AFAP1: variants seen among roughly 807,000 people sequenced by gnomAD.
AFAP1 encodes the protein actin filament-associated protein 1.
Under a neutral mutation model 93.9 loss-of-function variants are expected in AFAP1, and 75 were observed. That is an observed-to-expected ratio of 0.80 (90% CI 0.66 to 0.97). AFAP1 has a LOEUF of 0.97. Among genes scored for constraint, AFAP1 ranks in the 50% least tolerant of loss-of-function variants. The pLI, the probability that AFAP1 is intolerant of heterozygous loss-of-function variation, is 0.00. For missense variants in AFAP1, 1,201 were observed against 1,050.8 expected (o/e 1.14, Z -1.98); for synonymous variants, 517 against 430.7 (o/e 1.20, Z -2.48).
At chr4:7,910,838 G>A (rs1018828056) in intron 1 of AFAP1, among the ~76,000 whole-genome samples, 2 of 152,200 alleles carry the variant, frequency 1.3e-5, no homozygotes, top group African/African-American at 4.8e-5. Flanking sequence ...CGGAGGCCTA[G>A]GGAGGTTGAG....
intron 1 of AFAP1, among the ~76,000 whole-genome samples, chr4:7,881,240 C>T (rs967005779): frequency 1.3e-5 from 2 of 152,106 alleles, no homozygotes; most frequent in Non-Finnish European, 2.9e-5. Flanking sequence ...CACCACTCAT[C>T]CCCCAGCATT....
intron 17 of AFAP1, among the ~76,000 whole-genome samples, chr4:7,766,687 T>A (rs1227742366): frequency 6.6e-6 from 1 of 152,080 alleles, no homozygotes; most frequent in South Asian, 2.1e-4. Context: ...GCACGAAACC[T>A]GGAGCAGCCC....
intron 10 of AFAP1, among the ~76,000 whole-genome samples, chr4:7,796,282 C>A (rs1441337611): frequency 6.6e-6 from 1 of 152,166 alleles, no homozygotes; most frequent in African/African-American, 2.4e-5. Context: ...TGGGGCATCT[C>A]CTTGTGCCAC....
intron 17 of AFAP1, among the ~76,000 whole-genome samples, chr4:7,764,259 G>T (rs537442340): frequency 7.4e-4 from 112 of 152,374 alleles, no homozygotes; most frequent in African/African-American, 2.6e-3. Flanking sequence ...ACAGAAAGTG[G>T]GCTGGGTGCA....
chr4:7,767,486 A>T (rs1362621607), intron 17 of AFAP1, among the ~76,000 whole-genome samples: 1 of 152,214 alleles, frequency 6.6e-6, no homozygotes. Context: ...TCCCCCAGGC[A>T]AAACATATTC....
intron 6 of AFAP1, among the ~76,000 whole-genome samples, chr4:7,835,899 T>C (rs919140841): frequency 1.3e-5 from 2 of 152,202 alleles, no homozygotes; most frequent in South Asian, 4.2e-4. Context: ...GTTACCTGGG[T>C]GGCTGAAAAC....
At position 7,905,663 on chromosome 4, in the gene AFAP1, C is replaced by G. The variant is rs115231743; in HGVS notation, c.-2-33583G>C. The stretch of plus-strand genomic sequence containing the variant: ...CTTTCTCTCATTTAGGCCATGAGCA[C>G]TGACTGCATGTCTGCTGCAGCCAGG... On this transcript the variant is annotated intron_variant, in intron 1 of 17. Transcript: ENST00000420658. 6.8e-3 allele frequency among the ~76,000 whole-genome samples: 1,041 copies of G among 152,322 alleles called. 8 individuals carry two copies. The highest frequency in any genetic ancestry group is 0.022 in the African/African-American group (930 of 41,566).
intron 8 of AFAP1, among the ~76,000 whole-genome samples, chr4:7,814,809 C>T (rs186064770): frequency 2.0e-5 from 3 of 151,818 alleles, no homozygotes; most frequent in East Asian, 3.9e-4. Context: ...AGCCGTGCTC[C>T]GTGTCTTGAT....
intron 11 of AFAP1, among the ~76,000 whole-genome samples, chr4:7,786,817 A>C (rs1174036986): frequency 6.6e-6 from 1 of 152,246 alleles, no homozygotes; most frequent in Non-Finnish European, 1.5e-5. Flanking sequence ...ATGGCCTGCA[A>C]AGCTGAAAGT....
intron 1 of AFAP1, among the ~76,000 whole-genome samples, chr4:7,887,568 T>C (rs1337144370): frequency 6.6e-6 from 1 of 152,156 alleles, no homozygotes; most frequent in African/African-American, 2.4e-5. Flanking sequence ...GAGCCAAAAA[T>C]AGCATAATGA....
At chr4:7,875,243 T>C (rs1717422751) in intron 1 of AFAP1, among the ~76,000 whole-genome samples, 1 of 152,180 alleles carries the variant, frequency 6.6e-6, no homozygotes, top group African/African-American at 2.4e-5. Context: ...TAAAGATCCA[T>C]ACTGAGGCTG....
chr4:7,838,251 A>T (rs1028221971), intron 6 of AFAP1, among the ~76,000 whole-genome samples: 12 of 152,204 alleles, frequency 7.9e-5, no homozygotes, highest in African/African-American at 2.9e-4. Flanking sequence ...ATATGCAGAC[A>T]CAATAAAGTG....
intron 16 of AFAP1, among the ~76,000 whole-genome samples, chr4:7,770,312 C>G (rs755676963): frequency 6.6e-6 from 1 of 152,140 alleles, no homozygotes; most frequent in Non-Finnish European, 1.5e-5. Context: ...GTGGAGCCAC[C>G]ATAGAAGAGA....
At chr4:7,842,369 T>C (rs1158564507) in intron 5 of AFAP1, among the ~76,000 whole-genome samples, 1 of 141,258 alleles carries the variant, frequency 7.1e-6, no homozygotes, top group Non-Finnish European at 1.5e-5. Context: ...TACAGAAACA[T>C]AAATTCTTGT....
rs78083035 is a variant in AFAP1 at position 7,830,148 on chromosome 4, G to C, written c.726+8376C>G. Reference sequence around the variant, plus strand: ...CCAAAATGCTGCACCCTTTCTATGGGGCGGGGCGAGGGGGAAGCAGATGAA... The same window carrying C: ...CCAAAATGCTGCACCCTTTCTATGGCGCGGGGCGAGGGGGAAGCAGATGAA... On this transcript the variant is annotated intron_variant, in intron 6 of 17. Coordinates refer to ENST00000420658, the MANE Select transcript of AFAP1 (RefSeq NM_001134647.2). Among the ~76,000 whole-genome samples the C allele has an allele frequency of 2.5e-3, 377 of 152,280 alleles. 2 individuals are homozygous for C. The highest frequency in any genetic ancestry group is 8.7e-3 in the African/African-American group (361 of 41,556).
chr4:7,931,275 G>A (rs1721049059), intron 1 of AFAP1, among the ~76,000 whole-genome samples: 2 of 152,200 alleles, frequency 1.3e-5, no homozygotes, highest in African/African-American at 4.8e-5. Context: ...TCTAAGCCTT[G>A]TTAATTTCTG....
intron 1 of AFAP1, among the ~76,000 whole-genome samples, chr4:7,935,887 C>A (rs1413114196): frequency 6.6e-6 from 1 of 152,122 alleles, no homozygotes; most frequent in Non-Finnish European, 1.5e-5. Context: ...ACATAAAAAT[C>A]AAGCCTGCTG....
intron 9 of AFAP1, among the ~76,000 whole-genome samples, chr4:7,804,540 G>A (rs1474249773): frequency 2.0e-5 from 3 of 152,050 alleles, no homozygotes; most frequent in Non-Finnish European, 4.4e-5. Context: ...AATACAGATG[G>A]AGGGGAACAG....
At chr4:7,800,181 G>C (rs1299745861) in intron 10 of AFAP1, among the ~76,000 whole-genome samples, 1 of 152,214 alleles carries the variant, frequency 6.6e-6, no homozygotes, top group Non-Finnish European at 1.5e-5. Context: ...CAGACAAGGA[G>C]GCAAGTCAAT....
Sources: allele counts gnomAD v4.1 joint callset (sites outside exome capture counted in the v4.1 genomes callset), GRCh38; gene constraint gnomAD v4.1.1; transcripts MANE v1.5; gene names NCBI Gene and HGNC (gene_info 2026-07-23, HGNC 2026-07-21).